Variants in EIF4A3 observed in about 807,000 individuals in gnomAD.
EIF4A3 encodes eukaryotic initiation factor 4A-III.
In EIF4A3, 1 loss-of-function variant was observed where a neutral mutation model predicts 55.6. The observed-to-expected ratio is 0.02, with a 90% CI of 0.01 to 0.09. EIF4A3 has a LOEUF of 0.09. EIF4A3 is among the 10% of genes least tolerant of loss of function. The pLI, the probability that EIF4A3 is intolerant of heterozygous loss-of-function variation, is 1.00. For missense variants in EIF4A3, 221 were observed against 540.7 expected (o/e 0.41, Z 5.86); for synonymous variants, 194 against 196.3 (o/e 0.99, Z 0.10).
At chr17:80,136,627 A>C in intron 9 of EIF4A3, 1 of 350,656 alleles carries the variant, frequency 2.9e-6, no homozygotes, top group Non-Finnish European at 5.2e-6. Flanking sequence ...CTAAACCAAT[A>C]ATTGGGAAAA....
chr17:80,146,154 G>A (rs2039660926), intron 1 of EIF4A3, among the ~76,000 whole-genome samples: 1 of 152,152 alleles, frequency 6.6e-6, no homozygotes, highest in African/African-American at 2.4e-5. Flanking sequence ...CACCACAGGG[G>A]ACTTCTTTCA....
In EIF4A3 at chr17:80,135,211, CAGTA is replaced by C. The variant is rs2039560963; in HGVS notation, c.*275_*278del. On this transcript the variant is annotated 3_prime_UTR_variant, in exon 12 of 12. Coordinates refer to ENST00000649764, the MANE Select transcript of EIF4A3 (RefSeq NM_014740.4). ...GTGAGTGAAATGACCCAAGACTACACAGTAAGTTACTAGAGAAGGTGGTGGCACC... is the reference window on the plus strand; with the variant it reads ...GTGAGTGAAATGACCCAAGACTACACAGTTACTAGAGAAGGTGGTGGCACC... The C allele has an allele frequency of 2.7e-6, 1 of 371,224 alleles. No individual in the cohort carries two copies. The highest frequency in any genetic ancestry group is 2.1e-5 in the African/African-American group (1 of 47,456). 23.0% of individuals were successfully genotyped at this position (371,224 alleles called of 1,614,324 possible). A position where few individuals can be genotyped will look rare whatever the true frequency, so the allele number is the denominator to read the frequency against.
chr17:80,144,352 AG>A, intron 1 of EIF4A3, 108 bp from the exon 2 acceptor site: 1 of 952,936 alleles, frequency 1.0e-6, no homozygotes, highest in African/African-American at 1.6e-5. Flanking sequence ...CCTGTCCTCC[AG>A]CCTAACCCAG....
intron 9 of EIF4A3, 119 bp from the exon 10 acceptor site, chr17:80,136,454 CCT>C: frequency 1.4e-6 from 1 of 739,070 alleles, no homozygotes; most frequent in Non-Finnish European, 2.2e-6. Flanking sequence ...ACGAGATTCT[CCT>C]CTCTCAACAG....
chr17:80,144,093 C>T lies in EIF4A3; in HGVS notation c.242+79G>A, dbSNP rs140833688. ...CTGAGCGTGTACAAGCTGAGGGAAA[C>T]AGTCATCCCAGAGCATCTAACTGCA... On this transcript the variant is annotated intron_variant, in intron 2 of 11. Coordinates refer to ENST00000649764, the MANE Select transcript of EIF4A3 (RefSeq NM_014740.4). 3.7e-6 allele frequency: 5 copies of T among 1,339,266 alleles called. No homozygotes were observed. In the African/African-American group the frequency reaches 4.3e-5, roughly 12 times the overall value. The allele number at this position is 1,339,266 out of a possible 1,614,324, so 83.0% of individuals were successfully genotyped here.
At chr17:80,144,317 G>C (rs891188873) in intron 1 of EIF4A3, 73 bp from the exon 2 acceptor site, 1 of 1,416,684 alleles carries the variant, frequency 7.1e-7, no homozygotes, top group Non-Finnish European at 9.9e-7. Flanking sequence ...AGCTCCTCAG[G>C]GGCAGACATG....
At chr17:80,142,607 C>A (rs1459914838) in intron 2 of EIF4A3, among the ~76,000 whole-genome samples, 1 of 152,126 alleles carries the variant, frequency 6.6e-6, no homozygotes, top group Non-Finnish European at 1.5e-5. Flanking sequence ...TAACCAGGAA[C>A]GGTGGCACAT....
intron 1 of EIF4A3, 139 bp downstream of exon 1, chr17:80,146,654 C>T: frequency 2.0e-6 from 2 of 1,024,926 alleles, no homozygotes; most frequent in Non-Finnish European, 2.7e-6. Context: ...GGGGGTCGGA[C>T]GTCACTGGCC....
chr17:80,138,487 T>C lies in EIF4A3; in HGVS notation c.729-207A>G, dbSNP rs75100886. The C allele has an allele frequency of 5.1e-3, 2,866 of 563,414 alleles. 56 individuals are homozygous for C. Among genetic ancestry groups the C allele is most frequent in the African/African-American group, 0.043 (2,316 of 53,558 alleles). 34.9% of individuals were successfully genotyped at this position (563,414 alleles called of 1,614,324 possible). A position where few individuals can be genotyped will look rare whatever the true frequency, so the allele number is the denominator to read the frequency against. ...CTGTATCCTACTTAACATTTCACAA[T>C]GTGCACCACATGGAATACGATTCTA... On this transcript the variant is annotated intron_variant, in intron 7 of 11. Coordinates refer to ENST00000649764, the MANE Select transcript of EIF4A3 (RefSeq NM_014740.4).
Position 80,139,993 on chromosome 17 carries a change from G to A in EIF4A3, c.505+15C>T, listed in dbSNP as rs201499380. 5.7e-5 allele frequency: 91 copies of A among 1,605,740 alleles called. No individual in the cohort carries two copies. Among genetic ancestry groups the A allele is most frequent in the East Asian group, 8.9e-5 (4 of 44,758 alleles). ...TACTACCGGCAGCACCATTTTTAGC[G>A]ACAAAAGTGCTTACCAAAAACACGC... On this transcript the variant is annotated intron_variant, in intron 5 of 11. Transcript: ENST00000649764.
Position 80,134,862 on chromosome 17 carries a change from G to A in EIF4A3, c.*628C>T, listed in dbSNP as rs368922851. Among the ~76,000 whole-genome samples, 1 of 152,014 alleles carries A rather than the reference G, an allele frequency of 6.6e-6. No individual in the cohort carries two copies. Among genetic ancestry groups the A allele is most frequent in the East Asian group, 1.9e-4 (1 of 5,168 alleles). On this transcript the variant is annotated 3_prime_UTR_variant, in exon 12 of 12. Transcript: ENST00000649764. ...CCAAAAAAAAAGATTAGAAAAGTGA[G>A]TGAAATGGGCCGGGTGCAGTGGCTC...
rs963597257 is a variant in EIF4A3 at position 80,136,393 on chromosome 17, A to C, written c.984-58T>G. On this transcript the variant is annotated intron_variant, in intron 9 of 11. Transcript: ENST00000649764. ...ATTACTCATACAAGTGTAAGACTGG[A>C]CTTGCTTCCATTGCTAATTTTAAGG... 4.3e-6 allele frequency: 6 copies of C among 1,406,760 alleles called. No individual in the cohort carries two copies. In the Admixed American group the frequency reaches 1.2e-4, roughly 29 times the overall value. 87.1% of individuals were successfully genotyped at this position (1,406,760 alleles called of 1,614,324 possible).
rs889273422 is a variant in EIF4A3, at chr17:80,147,106, T to G, written c.-145A>C. 2 of 1,199,694 alleles carry G rather than the reference T, an allele frequency of 1.7e-6. No individual in the cohort carries two copies. The highest frequency in any genetic ancestry group is 6.4e-5 in the East Asian group (2 of 31,054). The allele number at this position is 1,199,694 out of a possible 1,614,324, so 74.3% of individuals were successfully genotyped here. On this transcript the variant is annotated 5_prime_UTR_variant, in exon 1 of 12. Transcript: ENST00000649764. ...CTCGCTGTGCCGCTGCCGACCTCGC[T>G]GTGCCGCTGCCGACCTCGCTGTGCC... is the stretch of plus-strand genomic sequence containing the variant.
Position 80,141,308 on chromosome 17 carries a change from A to T in EIF4A3, c.372+11T>A. On this transcript the variant is annotated intron_variant, in intron 4 of 11. Transcript: ENST00000649764. ...TTGTTAATCGGACACCGCTATCTTT[A>T]GCCATCTCACCTTCTGGATCTGCAC... is the stretch of plus-strand genomic sequence containing the variant. 6.2e-7 allele frequency: 1 copy of T among 1,611,050 alleles called. No homozygotes were observed.
chr17:80,138,473 T>G, intron 7 of EIF4A3, 193 bp from the exon 8 acceptor site: 1 of 583,824 alleles, frequency 1.7e-6, no homozygotes, highest in South Asian at 2.3e-5. Context: ...TGTATCCTAC[T>G]TAACATTTCA....
At chr17:80,137,603 C>G (rs566647831) in intron 8 of EIF4A3, 102 bp from the exon 9 acceptor site, 1 of 851,116 alleles carries the variant, frequency 1.2e-6, no homozygotes. Flanking sequence ...TATCAATATT[C>G]GTAAGGTAAC....
intron 4 of EIF4A3, 27 bp downstream of exon 4, chr17:80,141,292 G>A (rs763593871): frequency 4.4e-6 from 7 of 1,595,860 alleles, no homozygotes; most frequent in East Asian, 4.5e-5. Context: ...CTTGTTAATC[G>A]GACACCGCTA....
rs1439521411 is a variant in EIF4A3, at chr17:80,140,917, A to T, written c.372+402T>A. On this transcript the variant is annotated intron_variant, in intron 4 of 11. Transcript: ENST00000649764. ...GTTCAAGTGATTCTCCTGCTCAGCC[A>T]CCCAAGTAGCTGGGATTACAGGCGC... Among the ~76,000 whole-genome samples, 16 of 151,412 alleles carry T rather than the reference A, an allele frequency of 1.1e-4. No homozygotes were observed. The South Asian group carries it at 3.1e-3, about 30-fold the overall frequency.
At position 80,146,800 on chromosome 17, in the gene EIF4A3, G is replaced by A. The variant is rs778491791; in HGVS notation, c.162C>T (p.Tyr54=). 26 of 1,608,112 alleles carry A rather than the reference G, an allele frequency of 1.6e-5. No individual in the cohort carries two copies. The highest frequency in any genetic ancestry group is 4.2e-6 in the Non-Finnish European group (5 of 1,178,760). ...GLREDLLRGI[Y]AYGFEKPSAI... ...CGGCCCGCGCCCGCTCACCGTAAGCGTAGATGCCCCGCAGCAGGTCCTCCC... is the reference window on the plus strand; with the variant it reads ...CGGCCCGCGCCCGCTCACCGTAAGCATAGATGCCCCGCAGCAGGTCCTCCC... Residue 54 remains tyrosine, a synonymous_variant, in exon 1 of 12, where the codon TAC becomes TAT. Transcript: ENST00000649764.
Sources: allele counts gnomAD v4.1 joint callset (sites outside exome capture counted in the v4.1 genomes callset), GRCh38; gene constraint gnomAD v4.1.1; transcripts MANE v1.5; gene names NCBI Gene and HGNC (gene_info 2026-07-23, HGNC 2026-07-21).